Variants in C8orf34 observed in about 807,000 individuals in gnomAD.
C8orf34 encodes the protein chromosome 8 open reading frame 34.
In C8orf34, 65 loss-of-function variants were observed where a neutral mutation model predicts 68.3. That is an observed-to-expected ratio of 0.95 (90% CI 0.78 to 1.17). The LOEUF is 1.17. Ranked by LOEUF, C8orf34 falls within the 50% of genes most tolerant of loss-of-function variation. C8orf34 has a pLI of 0.00. For missense variants in C8orf34, 664 were observed against 655.4 expected (o/e 1.01, Z -0.14); for synonymous variants, 244 against 241.2 (o/e 1.01, Z -0.11).
chr8:68,615,582 T>G (rs1818181681), intron 7 of C8orf34, among the ~76,000 whole-genome samples: 1 of 152,238 alleles, frequency 6.6e-6, no homozygotes, highest in African/African-American at 2.4e-5. Flanking sequence ...GTTTATATGA[T>G]GGATTACATT....
In C8orf34 at chr8:68,683,735, C is replaced by A. The variant is rs914983830; in HGVS notation, c.1242-25259C>A. 1.6e-4 allele frequency among the ~76,000 whole-genome samples: 24 copies of A among 152,126 alleles called. No individual in the cohort carries two copies. The East Asian group carries it at 2.9e-3, about 18-fold the overall frequency. On this transcript the variant is annotated intron_variant, in intron 8 of 13. Transcript: ENST00000518698. ...AAATCATGTGAAAAAAAGGTGGTAG[C>A]TAGATAACAATAAAAAAAGTCACAT... is the stretch of plus-strand genomic sequence containing the variant.
At chr8:68,465,121 C>CCATCAAA (rs1812052445) in intron 3 of C8orf34, among the ~76,000 whole-genome samples, 1 of 152,072 alleles carries the variant, frequency 6.6e-6, no homozygotes, top group Admixed American at 6.6e-5. Context: ...ACAAACAACT[C>CCATCAAA]CATCAAAAAG....
At chr8:68,487,940 A>G (rs779851698) in intron 4 of C8orf34, 83 bp from the exon 5 acceptor site, 23 of 894,038 alleles carry the variant, frequency 2.6e-5, no homozygotes, top group Non-Finnish European at 3.9e-5. Context: ...CACTACTTTT[A>G]CAAATAGAAA....
chr8:68,810,381 G>A (rs1204059770), intron 12 of C8orf34, among the ~76,000 whole-genome samples: 1 of 151,956 alleles, frequency 6.6e-6, no homozygotes, highest in Non-Finnish European at 1.5e-5. Flanking sequence ...AGTGAAGAAT[G>A]TGGTGGTGCC....
chr8:68,546,276 T>TTGTC (rs1815875466), intron 7 of C8orf34, among the ~76,000 whole-genome samples: 1 of 151,872 alleles, frequency 6.6e-6, no homozygotes. Flanking sequence ...AAGGCAGAGG[T>TTGTC]TGTCAGACTG....
chr8:68,700,582 G>A (rs922340163), intron 8 of C8orf34, among the ~76,000 whole-genome samples: 10 of 152,092 alleles, frequency 6.6e-5, no homozygotes, highest in African/African-American at 2.2e-4. Flanking sequence ...GACCACAAGT[G>A]TAAATTAATG....
intron 1 of C8orf34, among the ~76,000 whole-genome samples, chr8:68,354,532 A>G (rs1053563853): frequency 1.3e-5 from 2 of 152,106 alleles, no homozygotes; most frequent in African/African-American, 2.4e-5. Context: ...TTGAAATAAA[A>G]TAATGCTAAA....
chr8:68,476,018 A>G (rs980707146), intron 4 of C8orf34, among the ~76,000 whole-genome samples: 19 of 152,230 alleles, frequency 1.2e-4, no homozygotes, highest in Non-Finnish European at 2.6e-4. Flanking sequence ...AAAAAATAGC[A>G]AAGGACTTTT....
At chr8:68,586,978 G>A (rs1817228418) in intron 7 of C8orf34, among the ~76,000 whole-genome samples, 1 of 152,076 alleles carries the variant, frequency 6.6e-6, no homozygotes, top group Admixed American at 6.6e-5. Context: ...TCTATGGTCT[G>A]CTAAGTAGAA....
At chr8:68,788,156 T>C (rs1443399461) in intron 12 of C8orf34, among the ~76,000 whole-genome samples, 1 of 152,228 alleles carries the variant, frequency 6.6e-6, no homozygotes, top group East Asian at 1.9e-4. Flanking sequence ...TATCAAATTT[T>C]ATTTATTTAT....
At chr8:68,732,503 T>C (rs1313996522) in intron 10 of C8orf34, among the ~76,000 whole-genome samples, 2 of 152,186 alleles carry the variant, frequency 1.3e-5, no homozygotes, top group Non-Finnish European at 2.9e-5. Flanking sequence ...ATATTTATTA[T>C]GTATTAAAAA....
chr8:68,475,462 T>C (rs1812568044), intron 4 of C8orf34, among the ~76,000 whole-genome samples: 1 of 152,166 alleles, frequency 6.6e-6, no homozygotes, highest in Non-Finnish European at 1.5e-5. Context: ...CTACCTCTGG[T>C]TCCATTTCAT....
chr8:68,440,019 A>G (rs1810834075), intron 2 of C8orf34, among the ~76,000 whole-genome samples: 1 of 152,200 alleles, frequency 6.6e-6, no homozygotes, highest in African/African-American at 2.4e-5. Flanking sequence ...CTACAGGATT[A>G]CTTTTCTTGT....
intron 10 of C8orf34, among the ~76,000 whole-genome samples, chr8:68,722,825 C>T (rs1186839992): frequency 6.6e-6 from 1 of 151,934 alleles, no homozygotes; most frequent in Non-Finnish European, 1.5e-5. Context: ...CATAGTTTAG[C>T]AATAATTCCT....
At chr8:68,773,605 G>GGC (rs1823415448) in intron 10 of C8orf34, among the ~76,000 whole-genome samples, 1 of 151,888 alleles carries the variant, frequency 6.6e-6, no homozygotes. Context: ...TCACCATGTT[G>GGC]GCCAGGCTGA....
intron 3 of C8orf34, among the ~76,000 whole-genome samples, chr8:68,461,055 C>T (rs986978074): frequency 3.3e-5 from 5 of 152,082 alleles, no homozygotes; most frequent in African/African-American, 9.7e-5. Flanking sequence ...AAAATTTAGA[C>T]GAATGTATAA....
intron 7 of C8orf34, among the ~76,000 whole-genome samples, chr8:68,623,841 C>G (rs953962364): frequency 6.6e-6 from 1 of 152,100 alleles, no homozygotes; most frequent in Admixed American, 6.5e-5. Context: ...AAGGGCCCAC[C>G]TCCTAATACC....
At chr8:68,763,585 A>G (rs549955974) in intron 10 of C8orf34, among the ~76,000 whole-genome samples, 76 of 152,146 alleles carry the variant, frequency 5.0e-4, no homozygotes, top group Non-Finnish European at 8.8e-4. Flanking sequence ...TGTTGATCCT[A>G]TATAGATCTA....
intron 7 of C8orf34, among the ~76,000 whole-genome samples, chr8:68,542,795 C>G (rs1337449269): frequency 6.6e-6 from 1 of 152,112 alleles, no homozygotes; most frequent in African/African-American, 2.4e-5. Flanking sequence ...ACCAAAATCA[C>G]AAAAGCATTT....
Sources: allele counts gnomAD v4.1 joint callset (sites outside exome capture counted in the v4.1 genomes callset), GRCh38; gene constraint gnomAD v4.1.1; transcripts MANE v1.5; gene names NCBI Gene and HGNC (gene_info 2026-07-23, HGNC 2026-07-21).